Variants in NPY2R observed in about 807,000 individuals in gnomAD.
The protein encoded by NPY2R is neuropeptide Y receptor Y2.
NPY2R carries 17 observed loss-of-function variants against 22.3 expected under a neutral mutation model. The ratio of observed to expected loss-of-function variants is 0.76; its 90% CI spans 0.52 to 1.14. The LOEUF (loss-of-function observed/expected upper bound fraction) is 1.14, where lower values mean the gene tolerates loss of function less well. NPY2R is among the 50% of genes most tolerant of loss of function. NPY2R has a pLI of 0.00. For synonymous variants in NPY2R, 209 were observed against 183.4 expected, an observed-to-expected ratio of 1.14 and a Z score of -1.13; for missense variants, 424 against 467.9, an observed-to-expected ratio of 0.91 and a Z score of 0.87.
chr4:155,208,122 A>G (rs929923442), upstream of NPY2R: 4 of 152,014 alleles, frequency 2.6e-5, no homozygotes, highest in African/African-American at 9.7e-5. This position sits in a 1 kb window ranked among gnomAD's most constrained non-coding sequence, Gnocchi z 5.6. Flanking sequence ...TCTCGGTGCA[A>G]TCCTGCTGGC....
the NPY2R span, among the ~76,000 whole-genome samples, chr4:155,187,121 A>G: frequency 6.6e-6 from 1 of 152,168 alleles, no homozygotes; most frequent in Non-Finnish European, 1.5e-5. Context: ...TGCAACAGAT[A>G]AAGGTTTTTC....
At position 155,216,027 on chromosome 4, in the gene NPY2R, T is replaced by C. The variant is rs1729507621; in HGVS notation, c.*942T>C. ...ACATTTCACAGTATTTACAAGCTAT[T>C]TTTGCACAGGTACATAGCTCTCATG... On this transcript the variant is annotated 3_prime_UTR_variant, in exon 2 of 2. Coordinates refer to ENST00000329476, the MANE Select transcript of NPY2R (RefSeq NM_000910.4). 2 of 167,050 alleles carry C rather than the reference T, an allele frequency of 1.2e-5. No individual in the cohort carries two copies. Among genetic ancestry groups the C allele is most frequent in the Admixed American group, 1.3e-4 (2 of 15,280 alleles). 10.3% of individuals were successfully genotyped at this position (167,050 alleles called of 1,614,324 possible).
chr4:155,206,457 C>T (rs1729286231), upstream of NPY2R: 1 of 152,186 alleles, frequency 6.6e-6, no homozygotes, highest in Non-Finnish European at 1.5e-5. Context: ...ACAAAAGTGT[C>T]ATAAGCTAAT....
At chr4:155,207,215 AC>A (rs1729299853), upstream of NPY2R, 1 of 152,194 alleles carries the variant, frequency 6.6e-6, no homozygotes, top group Non-Finnish European at 1.5e-5. Flanking sequence ...GGTGTGGAAA[AC>A]CCTGAAGGAA....
At chr4:155,212,427 A>T (rs1349040436) in intron 1 of NPY2R, among the ~76,000 whole-genome samples, 1 of 152,242 alleles carries the variant, frequency 6.6e-6, no homozygotes, top group African/African-American at 2.4e-5. Flanking sequence ...TTAATATCAG[A>T]GTAGGCATTG....
At chr4:155,184,595 CT>C in the NPY2R span, among the ~76,000 whole-genome samples, 4 of 152,134 alleles carry the variant, frequency 2.6e-5, no homozygotes. Flanking sequence ...CTGGGGCCCC[CT>C]GAGCCATAAA....
the NPY2R span, among the ~76,000 whole-genome samples, chr4:155,200,070 T>C: frequency 9.9e-5 from 15 of 152,170 alleles, no homozygotes; most frequent in South Asian, 2.1e-4. Flanking sequence ...GACAACCTTA[T>C]ACAATGTGAG....
At chr4:155,175,013 A>G in the NPY2R span, among the ~76,000 whole-genome samples, 2 of 152,078 alleles carry the variant, frequency 1.3e-5, no homozygotes, top group Non-Finnish European at 2.9e-5. Flanking sequence ...TTGGATCTTA[A>G]TCTTCTATAT....
intron 1 of NPY2R, among the ~76,000 whole-genome samples, chr4:155,209,425 A>T (rs990517970): frequency 3.9e-5 from 6 of 152,234 alleles, no homozygotes; most frequent in African/African-American, 1.4e-4. Flanking sequence ...GAGGAGACAC[A>T]TTCATTTAAG....
the NPY2R span, among the ~76,000 whole-genome samples, chr4:155,174,495 T>TTTTTA: frequency 6.9e-6 from 1 of 145,594 alleles, no homozygotes; most frequent in African/African-American, 2.6e-5. Flanking sequence ...TTTTTTTTTT[T>TTTTTA]AAATCTCTAC....
chr4:155,183,675 G>A, the NPY2R span, among the ~76,000 whole-genome samples: 3 of 152,184 alleles, frequency 2.0e-5, no homozygotes, highest in African/African-American at 7.2e-5. Context: ...GGCCTAGAGT[G>A]TGAGGAAATG....
chr4:155,214,185 C>T lies in NPY2R; in HGVS notation c.246C>T (p.Arg82=), dbSNP rs149532287. 1.6e-5 allele frequency: 26 copies of T among 1,613,956 alleles called. No homozygotes were observed. In the African/African-American group the frequency reaches 3.3e-4, roughly 21 times the overall value. ...IHVVIKFKSM[R]TVTNFFIANL... The stretch of plus-strand genomic sequence containing the variant: ...TGGTGATCAAATTCAAGAGCATGCG[C>T]ACAGTAACCAACTTTTTCATTGCCA... Residue 82 remains arginine, a synonymous_variant, in exon 2 of 2, where the codon CGC becomes CGT. Transcript: ENST00000329476.
rs180728072 is a variant in NPY2R at position 155,213,150 on chromosome 4, G to A, written c.-48-742G>A. Among the ~76,000 whole-genome samples the A allele has an allele frequency of 4.6e-5, 7 of 152,202 alleles. No homozygotes were observed. The East Asian group carries it at 1.4e-3, about 29-fold the overall frequency. On this transcript the variant is annotated intron_variant, in intron 1 of 1. Coordinates refer to ENST00000329476, the MANE Select transcript of NPY2R (RefSeq NM_000910.4). ...CATAAAGGAGAGGGTGGGAATGGGA[G>A]TGAGGGATAAAAAAACTACATATTG... is the stretch of plus-strand genomic sequence containing the variant.
the NPY2R span, among the ~76,000 whole-genome samples, chr4:155,181,442 G>C: frequency 5.7e-4 from 87 of 152,142 alleles, no homozygotes; most frequent in Admixed American, 4.7e-3. Flanking sequence ...ATCTCTTTAA[G>C]GATCTTCTGT....
chr4:155,188,181 C>T, the NPY2R span, among the ~76,000 whole-genome samples: 1 of 152,082 alleles, frequency 6.6e-6, no homozygotes, highest in South Asian at 2.1e-4. Flanking sequence ...TTTACTTCCT[C>T]TTTTGGTTAG....
chr4:155,184,020 C>T, the NPY2R span, among the ~76,000 whole-genome samples: 1 of 152,210 alleles, frequency 6.6e-6, no homozygotes, highest in African/African-American at 2.4e-5. Flanking sequence ...TTCCTCCTGT[C>T]TCCGCTTTAG....
chr4:155,189,713 C>T, the NPY2R span, among the ~76,000 whole-genome samples: 14 of 151,644 alleles, frequency 9.2e-5, no homozygotes, highest in African/African-American at 3.1e-4. Flanking sequence ...TTATAAAATG[C>T]CATACATACC....
chr4:155,192,087 G>A, the NPY2R span, among the ~76,000 whole-genome samples: 3 of 151,760 alleles, frequency 2.0e-5, no homozygotes, highest in African/African-American at 4.8e-5. Flanking sequence ...TTTCTGTAAG[G>A]TAGGGGTATC....
chr4:155,216,091 C>A lies in NPY2R; in HGVS notation c.*1006C>A, dbSNP rs757447204. On this transcript the variant is annotated 3_prime_UTR_variant, in exon 2 of 2. Coordinates refer to ENST00000329476, the MANE Select transcript of NPY2R (RefSeq NM_000910.4). The stretch of plus-strand genomic sequence containing the variant: ...CTGCAGTGTTATTTTCTTTGAAATT[C>A]ATCCTCCACGGACCCATTCATACTA... The A allele has an allele frequency of 1.6e-4, 27 of 166,944 alleles. 1 individual carries two copies. Among genetic ancestry groups the A allele is most frequent in the Non-Finnish European group, 3.2e-4 (22 of 68,076 alleles). The allele number at this position is 166,944 out of a possible 1,614,324, so 10.3% of individuals were successfully genotyped here.
Sources: gnomAD v4.1 joint callset for allele counts (sites outside exome capture counted in the v4.1 genomes callset) on GRCh38, gnomAD v4.1.1 for gene constraint, Gnocchi (gnomAD v3.1) non-coding constraint, MANE v1.5 for transcripts, NCBI Gene and HGNC (gene_info 2026-07-23, HGNC 2026-07-21) for gene names.